RAPGEF2: variants seen among roughly 807,000 people sequenced by gnomAD.
RAPGEF2 encodes PDZ domain containing guanine nucleotide exchange factor (GEF) 1.
Under a neutral mutation model 186.7 loss-of-function variants are expected in RAPGEF2, and 54 were observed. The observed-to-expected ratio is 0.29, with a 90% CI of 0.23 to 0.36. The LOEUF is 0.36. RAPGEF2 is among the 10% of genes least tolerant of loss of function. The pLI, the probability that RAPGEF2 is intolerant of heterozygous loss-of-function variation, is 1.00. For synonymous variants in RAPGEF2, 712 were observed against 705.9 expected (o/e 1.01, Z -0.14); for missense variants, 1,532 against 2,045.0 (o/e 0.75, Z 4.84).
At chr4:159,343,553 C>G in intron 22 of RAPGEF2, 149 bp downstream of exon 22, 1 of 1,056,664 alleles carries the variant, frequency 9.5e-7, no homozygotes, top group South Asian at 1.7e-5. Flanking sequence ...CCTGTGAGCT[C>G]TAATTTGGAA....
At chr4:159,125,424 T>C (rs1388714262) in intron 1 of RAPGEF2, among the ~76,000 whole-genome samples, 6 of 152,166 alleles carry the variant, frequency 3.9e-5, no homozygotes, top group South Asian at 2.1e-4. Context: ...TGGAGTTTTT[T>C]TGAGTAGCTG....
At chr4:159,146,601 TAATATG>T (rs1003811248) in intron 1 of RAPGEF2, among the ~76,000 whole-genome samples, 3 of 152,176 alleles carry the variant, frequency 2.0e-5, no homozygotes, top group Non-Finnish European at 2.9e-5. Flanking sequence ...GAGGAAACTG[TAATATG>T]ATGCTGTCTG....
intron 17 of RAPGEF2, 126 bp downstream of exon 17, chr4:159,332,823 T>G (rs1357994257): frequency 2.3e-5 from 27 of 1,172,474 alleles, no homozygotes; most frequent in Non-Finnish European, 1.1e-5. Context: ...TGAGCTATTT[T>G]GGAAGCAGTA....
chr4:159,304,858 G>C (rs1763093952), intron 8 of RAPGEF2, among the ~76,000 whole-genome samples: 1 of 152,018 alleles, frequency 6.6e-6, no homozygotes, highest in African/African-American at 2.4e-5. Context: ...CATGTGCTGA[G>C]TCTCCACTGC....
chr4:159,137,709 CAAAAA>C (rs35501594), intron 1 of RAPGEF2, among the ~76,000 whole-genome samples: 4 of 122,212 alleles, frequency 3.3e-5, no homozygotes, highest in African/African-American at 1.2e-4. Flanking sequence ...AAAATAAATG[CAAAAA>C]AAAAAAAAAA....
At chr4:159,311,054 T>C (rs922122588) in intron 8 of RAPGEF2, among the ~76,000 whole-genome samples, 2 of 152,170 alleles carry the variant, frequency 1.3e-5, no homozygotes, top group African/African-American at 4.8e-5. Context: ...TCTTGGTTGG[T>C]CACACCTGAT....
At chr4:159,141,743 A>G (rs1314857811) in intron 1 of RAPGEF2, among the ~76,000 whole-genome samples, 1 of 152,208 alleles carries the variant, frequency 6.6e-6, no homozygotes, top group African/African-American at 2.4e-5. Flanking sequence ...CAATCTGAGA[A>G]GTGAAAAATT....
At chr4:159,309,127 G>A (rs1341825448) in intron 8 of RAPGEF2, among the ~76,000 whole-genome samples, 1 of 152,164 alleles carries the variant, frequency 6.6e-6, no homozygotes, top group Non-Finnish European at 1.5e-5. Flanking sequence ...AACAAGGCAA[G>A]CGTTTTCTAA....
At chr4:159,182,593 A>G (rs886706607) in intron 1 of RAPGEF2, among the ~76,000 whole-genome samples, 4 of 151,642 alleles carry the variant, frequency 2.6e-5, no homozygotes, top group African/African-American at 9.7e-5. Context: ...ATGGGGTTTC[A>G]CCATCTTGGC....
At chr4:159,137,050 G>A (rs1220650738) in intron 1 of RAPGEF2, among the ~76,000 whole-genome samples, 1 of 152,022 alleles carries the variant, frequency 6.6e-6, no homozygotes, top group East Asian at 1.9e-4. Context: ...AAGGTGGGGG[G>A]GTTGGTAGTA....
Position 159,220,349 on chromosome 4 carries a change from A to G in RAPGEF2, c.281+9766A>G, listed in dbSNP as rs916489523. Among the ~76,000 whole-genome samples, 7 of 141,594 alleles carry G rather than the reference A, an allele frequency of 4.9e-5. No individual in the cohort carries two copies. In the South Asian group the frequency reaches 1.8e-3, roughly 37 times the overall value. The allele number at this position is 141,594 out of a possible 152,430, so 92.9% of individuals were successfully genotyped here. On this transcript the variant is annotated intron_variant, in intron 4 of 29. Coordinates refer to ENST00000691494, the MANE Select transcript of RAPGEF2 (RefSeq NM_001394067.2). ...AGAGGGGAGGTACTTGCAGAAGTGG[A>G]TGAAATTCCCACAGTGGGGTGGGAT... is the stretch of plus-strand genomic sequence containing the variant.
chr4:159,330,450 G>A lies in RAPGEF2; in HGVS notation c.1419G>A (p.Val473=), dbSNP rs772261726. 1.9e-6 allele frequency: 3 copies of A among 1,606,298 alleles called. No homozygotes were observed. In the South Asian group the frequency reaches 3.4e-5, roughly 18 times the overall value. Residue 473 remains valine, a synonymous_variant, in exon 13 of 30, where the codon GTG becomes GTA. Transcript: ENST00000691494. ...YRTFLSSPME[V]GKKLLEWFND... ...CTTTTCTTTCTAGCCCAATGGAAGT[G>A]GGCAAAAAGTTATTGGAGTGGTTTA...
At chr4:159,265,520 G>A (rs4279163) in intron 7 of RAPGEF2, among the ~76,000 whole-genome samples, 8,812 of 152,230 alleles carry the variant, frequency 0.058, 840 homozygotes, top group African/African-American at 0.2. Flanking sequence ...ACTTGGGAGT[G>A]CAGAGAGTGA....
chr4:159,161,329 A>T (rs912434544), intron 1 of RAPGEF2, among the ~76,000 whole-genome samples: 1 of 152,236 alleles, frequency 6.6e-6, no homozygotes, highest in African/African-American at 2.4e-5. Context: ...GAATAGTTAA[A>T]ATTGTATTTT....
intron 17 of RAPGEF2, among the ~76,000 whole-genome samples, chr4:159,337,456 A>G (rs548361922): frequency 6.6e-5 from 10 of 152,350 alleles, no homozygotes; most frequent in African/African-American, 2.4e-4. Flanking sequence ...CAGAACTATC[A>G]GTTGAGTGAG....
intron 7 of RAPGEF2, among the ~76,000 whole-genome samples, chr4:159,259,480 C>CT (rs1756556206): frequency 1.3e-5 from 2 of 152,122 alleles, no homozygotes; most frequent in African/African-American, 4.8e-5. Context: ...GCACAGCTAT[C>CT]TTTTTTTCTT....
intron 1 of RAPGEF2, among the ~76,000 whole-genome samples, chr4:159,156,490 A>T (rs1054549899): frequency 6.0e-5 from 9 of 148,852 alleles, no homozygotes; most frequent in African/African-American, 7.7e-5. Context: ...TTTTGCATTT[A>T]AAAAAAATTA....
intron 4 of RAPGEF2, among the ~76,000 whole-genome samples, chr4:159,231,960 TTGTC>T (rs1294967442): frequency 6.6e-6 from 1 of 152,174 alleles, no homozygotes; most frequent in Non-Finnish European, 1.5e-5. Flanking sequence ...GGTTCCCAGT[TTGTC>T]TGTCATTAAA....
chr4:159,342,001 T>C (rs990188174), intron 20 of RAPGEF2, 54 bp downstream of exon 20: 4 of 1,484,124 alleles, frequency 2.7e-6, no homozygotes, highest in South Asian at 1.4e-5. Flanking sequence ...ATTTAAAATA[T>C]GTATCAGTCC....
Sources: gnomAD v4.1 joint callset for allele counts (sites outside exome capture counted in the v4.1 genomes callset) on GRCh38, gnomAD v4.1.1 for gene constraint, MANE v1.5 for transcripts, NCBI Gene and HGNC (gene_info 2026-07-23, HGNC 2026-07-21) for gene names.